NECTIN2: variants seen among roughly 807,000 people sequenced by gnomAD.
NECTIN2 encodes the protein nectin-2.
A neutral mutation model predicts 56.9 loss-of-function variants in NECTIN2; 23 were observed. That is an observed-to-expected ratio of 0.40 (90% CI 0.29 to 0.57). The LOEUF (loss-of-function observed/expected upper bound fraction) is 0.57, where lower values mean the gene tolerates loss of function less well. Among genes scored for constraint, NECTIN2 ranks in the 20% least tolerant of loss-of-function variants. NECTIN2 has a pLI of 0.38. For synonymous variants in NECTIN2, 302 were observed against 313.8 expected, an observed-to-expected ratio of 0.96 and a Z score of 0.40; for missense variants, 587 against 718.3, an observed-to-expected ratio of 0.82 and a Z score of 2.09.
intron 5 of NECTIN2, among the ~76,000 whole-genome samples, chr19:44,880,654 G>A (rs1476463878): frequency 6.7e-6 from 1 of 149,338 alleles, no homozygotes; most frequent in Non-Finnish European, 1.5e-5. Context: ...AAGTGGGGTG[G>A]TCTCCCTATA....
intron 5 of NECTIN2, among the ~76,000 whole-genome samples, chr19:44,881,523 C>CA (rs35949038): frequency 0.043 from 3,477 of 81,626 alleles, 132 homozygotes; most frequent in African/African-American, 0.13. Flanking sequence ...CAAAAAAATT[C>CA]AAAAAAAAAA....
At chr19:44,851,531 T>C (rs1338143636) in intron 1 of NECTIN2, among the ~76,000 whole-genome samples, 1 of 152,204 alleles carries the variant, frequency 6.6e-6, no homozygotes, top group African/African-American at 2.4e-5. Flanking sequence ...CATCCCTGGA[T>C]CTCGGGGTCT....
intron 1 of NECTIN2, among the ~76,000 whole-genome samples, chr19:44,855,956 T>C (rs1433290520): frequency 2.6e-5 from 4 of 152,180 alleles, no homozygotes; most frequent in Admixed American, 6.5e-5. Flanking sequence ...AGGTTCTGCC[T>C]TTTCCTGATC....
At chr19:44,849,131 C>T (rs1394630798) in intron 1 of NECTIN2, among the ~76,000 whole-genome samples, 1 of 151,944 alleles carries the variant, frequency 6.6e-6, no homozygotes, top group Non-Finnish European at 1.5e-5. Flanking sequence ...AGCGGTCAGA[C>T]ACAGATTTAG....
intron 5 of NECTIN2, chr19:44,878,991 G>C: frequency 1.1e-6 from 1 of 937,476 alleles, no homozygotes; most frequent in Non-Finnish European, 1.3e-6. Context: ...TGGGGAAAGA[G>C]AGGGTGGGAC....
At chr19:44,866,652 G>A (rs1285721673) in intron 2 of NECTIN2, among the ~76,000 whole-genome samples, 1 of 152,066 alleles carries the variant, frequency 6.6e-6, no homozygotes, top group Non-Finnish European at 1.5e-5. Context: ...AGACATATGA[G>A]TGGGGGAAAG....
In NECTIN2 at chr19:44,874,514, G is replaced by T. The variant is rs1969214967; in HGVS notation, c.1042+36G>T. 1.2e-6 allele frequency: 2 copies of T among 1,608,078 alleles called. No individual in the cohort carries two copies. The highest frequency in any genetic ancestry group is 1.7e-6 in the Non-Finnish European group (2 of 1,179,612). On this transcript the variant is annotated intron_variant, in intron 5 of 8. Transcript: ENST00000252483. The surrounding 1 kb of genome is among the most constrained non-coding windows in gnomAD (Gnocchi z 6.3). Reference sequence around the variant, plus strand: ...CTTGGGGGCCGTGTGTGGAGACCTGGGTCCGCTCCCCTGGAGTTCTGCCCT... The same window carrying T: ...CTTGGGGGCCGTGTGTGGAGACCTGTGTCCGCTCCCCTGGAGTTCTGCCCT...
At chr19:44,851,603 C>T (rs1211675163) in intron 1 of NECTIN2, among the ~76,000 whole-genome samples, 1 of 152,256 alleles carries the variant, frequency 6.6e-6, no homozygotes, top group Non-Finnish European at 1.5e-5. Context: ...GCAGCCTCCA[C>T]TCTGCCACCA....
intron 5 of NECTIN2, among the ~76,000 whole-genome samples, chr19:44,881,060 C>T (rs897901626): frequency 6.8e-6 from 1 of 146,566 alleles, no homozygotes; most frequent in African/African-American, 2.5e-5. Flanking sequence ...AGGCGTGAGC[C>T]AACGCGCCCG....
Position 44,875,011 on chromosome 19 carries a change from G to C in NECTIN2, c.1042+533G>C, listed in dbSNP as rs549921949. 1.5e-3 allele frequency among the ~76,000 whole-genome samples: 222 copies of C among 152,246 alleles called. 1 individual carries two copies. The highest frequency in any genetic ancestry group is 5.2e-3 in the African/African-American group (217 of 41,518). ...GACTGTTAACAGAGCCATGCTTCCTGGGACAGAGAGACCCCTGGGTCCTGG... is the reference window on the plus strand; with the variant it reads ...GACTGTTAACAGAGCCATGCTTCCTCGGACAGAGAGACCCCTGGGTCCTGG... On this transcript the variant is annotated intron_variant, in intron 5 of 8. Coordinates refer to ENST00000252483, the MANE Select transcript of NECTIN2 (RefSeq NM_001042724.2). This position sits in a 1 kb window ranked among gnomAD's most constrained non-coding sequence, Gnocchi z 4.2.
chr19:44,871,827 C>A lies in NECTIN2; in HGVS notation c.479-26C>A, dbSNP rs374768839. 5 of 1,602,838 alleles carry A rather than the reference C, an allele frequency of 3.1e-6. No homozygotes were observed. In the Admixed American group the frequency reaches 8.4e-5, roughly 27 times the overall value. On this transcript the variant is annotated intron_variant, in intron 2 of 8. Transcript: ENST00000252483. ...TTGAATGACTGCCGGTGAGGAGTGA[C>A]GCACCCCCTCTCCTCCTCTCCCCAG...
intron 2 of NECTIN2, among the ~76,000 whole-genome samples, chr19:44,866,320 G>A (rs776991934): frequency 1.3e-5 from 2 of 151,722 alleles, no homozygotes; most frequent in Non-Finnish European, 2.9e-5. Context: ...TGGGAGGATC[G>A]CTTGAGACCA....
intron 1 of NECTIN2, among the ~76,000 whole-genome samples, chr19:44,863,212 A>G (rs2078928798): frequency 1.3e-5 from 2 of 150,842 alleles, no homozygotes; most frequent in African/African-American, 4.9e-5. Context: ...GTGCATGCCT[A>G]TAATCCCAGC....
At chr19:44,854,311 G>A (rs1968938249) in intron 1 of NECTIN2, among the ~76,000 whole-genome samples, 1 of 152,088 alleles carries the variant, frequency 6.6e-6, no homozygotes, top group Non-Finnish European at 1.5e-5. Context: ...TCGAACTCCT[G>A]GCCTCAAGTG....
At chr19:44,849,824 A>G (rs1458093704) in intron 1 of NECTIN2, among the ~76,000 whole-genome samples, 1 of 152,168 alleles carries the variant, frequency 6.6e-6, no homozygotes, top group Non-Finnish European at 1.5e-5. Context: ...GAAGAGAGTG[A>G]CTAACGGGGA....
Position 44,888,091 on chromosome 19 carries a change from G to T in NECTIN2, c.1348-19G>T. ...GCGTAGGAAGTGATCTTGAGTTCCT[G>T]TCCTCTCTCTACCTCCAGGAAATGC... On this transcript the variant is annotated intron_variant, in intron 8 of 8. Coordinates refer to ENST00000252483, the MANE Select transcript of NECTIN2 (RefSeq NM_001042724.2). The T allele has an allele frequency of 6.2e-7, 1 of 1,605,420 alleles. No homozygotes were observed. Among genetic ancestry groups the T allele is most frequent in the Admixed American group, 1.7e-5 (1 of 59,596 alleles).
rs1024869649 is a variant in NECTIN2, at chr19:44,875,689, G to A, written c.1042+1211G>A. ...TGTAGGGACAAACTCCCAGACAGGG[G>A]CTGTCCCTGTCATGCAGACAGACTA... On this transcript the variant is annotated intron_variant, in intron 5 of 8. Coordinates refer to ENST00000252483, the MANE Select transcript of NECTIN2 (RefSeq NM_001042724.2). The surrounding 1 kb of genome is among the most constrained non-coding windows in gnomAD (Gnocchi z 4.2). Among the ~76,000 whole-genome samples, 81 of 152,242 alleles carry A rather than the reference G, an allele frequency of 5.3e-4. No homozygotes were observed. The highest frequency in any genetic ancestry group is 1.9e-3 in the African/African-American group (80 of 41,522).
chr19:44,861,896 G>A (rs1969035585), intron 1 of NECTIN2, among the ~76,000 whole-genome samples: 2 of 152,148 alleles, frequency 1.3e-5, no homozygotes, highest in South Asian at 4.1e-4. Context: ...CACTGTTGGT[G>A]GGAATGTAAA....
At chr19:44,876,401 C>G (rs1235064909) in intron 5 of NECTIN2, among the ~76,000 whole-genome samples, 1 of 152,180 alleles carries the variant, frequency 6.6e-6, no homozygotes, top group Non-Finnish European at 1.5e-5. Flanking sequence ...AAAGACTCAG[C>G]GCTGTGGAAA....
Sources: gnomAD v4.1 joint callset for allele counts (sites outside exome capture counted in the v4.1 genomes callset) on GRCh38, gnomAD v4.1.1 for gene constraint, Gnocchi (gnomAD v3.1) non-coding constraint, MANE v1.5 for transcripts, NCBI Gene and HGNC (gene_info 2026-07-23, HGNC 2026-07-21) for gene names.